The following TNS1 variants were observed in gnomAD, a reference collection of about 807,000 sequenced individuals.
TNS1 encodes tensin 1.
A neutral mutation model predicts 168.6 loss-of-function variants in TNS1; 62 were observed. The ratio of observed to expected loss-of-function variants is 0.37; its 90% CI spans 0.30 to 0.45. TNS1 has a LOEUF of 0.45. Among genes scored for constraint, TNS1 ranks in the 20% least tolerant of loss-of-function variants. TNS1 has a pLI of 1.00. For missense variants in TNS1, 2,240 were observed against 2,339.4 expected (o/e 0.96, Z 0.88); for synonymous variants, 934 against 933.2 (o/e 1.00, Z -0.02).
intron 1 of TNS1, among the ~76,000 whole-genome samples, chr2:217,996,167 C>G (rs555975201): frequency 2.0e-4 from 31 of 152,304 alleles, no homozygotes; most frequent in Middle Eastern, 3.4e-3. Flanking sequence ...TACAAAACTC[C>G]CTCAGCGCTG....
Position 217,803,950 on chromosome 2 carries a change from C to T in TNS1, c.*509G>A, listed in dbSNP as rs1335318067. ...GCCTTGGGTCTGAGATACTTTCAAG[C>T]AAACAAGTTCTTCCACTTGATGTCC... On this transcript the variant is annotated 3_prime_UTR_variant, in exon 33 of 33. Transcript: ENST00000682258. 1 of 154,976 alleles carries T rather than the reference C, an allele frequency of 6.5e-6. No individual in the cohort carries two copies. Among genetic ancestry groups the T allele is most frequent in the Non-Finnish European group, 1.4e-5 (1 of 69,550 alleles). The allele number at this position is 154,976 out of a possible 1,614,324, so 9.6% of individuals were successfully genotyped here.
At chr2:217,942,718 A>T (rs915097377) in intron 3 of TNS1, among the ~76,000 whole-genome samples, 8 of 152,024 alleles carry the variant, frequency 5.3e-5, no homozygotes, top group Non-Finnish European at 8.8e-5. Context: ...CTTGTCTCCA[A>T]AGACCCTGGC....
intron 3 of TNS1, among the ~76,000 whole-genome samples, chr2:217,966,792 T>C (rs1957653296): frequency 2.6e-5 from 4 of 152,072 alleles, no homozygotes; most frequent in Admixed American, 6.5e-5. Flanking sequence ...AGAGGCTGAG[T>C]GTGGAACACG....
rs1283379849 is a variant in TNS1 at position 217,920,074 on chromosome 2, C to T, written c.228+121G>A. 2.0e-5 allele frequency: 14 copies of T among 689,540 alleles called. 1 individual carries two copies. The highest frequency in any genetic ancestry group is 1.1e-4 in the South Asian group (7 of 65,500). 42.7% of individuals were successfully genotyped at this position (689,540 alleles called of 1,614,324 possible). On this transcript the variant is annotated intron_variant, in intron 4 of 32. Transcript: ENST00000682258. Reference sequence around the variant, plus strand: ...TCGGCCCAGGGAGGTCGACCCTCCTCCTCCACCTAATTGTCCGACACCCCA... The same window carrying T: ...TCGGCCCAGGGAGGTCGACCCTCCTTCTCCACCTAATTGTCCGACACCCCA...
At chr2:217,937,306 G>A (rs915114922) in intron 3 of TNS1, 15 of 311,510 alleles carry the variant, frequency 4.8e-5, no homozygotes, top group African/African-American at 2.4e-4. Context: ...CAGCGGCCCC[G>A]TGTGCCCAGC....
At chr2:217,891,509 C>T (rs952520520) in intron 11 of TNS1, among the ~76,000 whole-genome samples, 4 of 152,190 alleles carry the variant, frequency 2.6e-5, no homozygotes, top group African/African-American at 9.7e-5. Flanking sequence ...CTCATCTTTG[C>T]TTATCATTAA....
In TNS1 at chr2:217,872,870, AATAAAATACTG is replaced by A. The variant is rs1329505895; in HGVS notation, c.1429+8017_1429+8027del. Among the ~76,000 whole-genome samples, 3 of 152,260 alleles carry A rather than the reference AATAAAATACTG, an allele frequency of 2.0e-5. No individual in the cohort carries two copies. In the East Asian group the frequency reaches 5.8e-4, roughly 29 times the overall value. On this transcript the variant is annotated intron_variant, in intron 18 of 32. Coordinates refer to ENST00000682258, the MANE Select transcript of TNS1 (RefSeq NM_001387777.1). ...AGAATATCATTCAGCAACAAAAATGAATAAAATACTGATACATGTTACAACGTGAATGAAAC... is the reference window on the plus strand; with the variant it reads ...AGAATATCATTCAGCAACAAAAATGAATACATGTTACAACGTGAATGAAAC...
At chr2:217,954,538 G>A (rs1575134746) in intron 3 of TNS1, among the ~76,000 whole-genome samples, 2 of 152,322 alleles carry the variant, frequency 1.3e-5, no homozygotes, top group Admixed American at 1.3e-4. Flanking sequence ...ACCGAGCTTT[G>A]AAGAGGGTGT....
chr2:217,841,278 G>T, intron 19 of TNS1: 2 of 985,068 alleles, frequency 2.0e-6, no homozygotes, highest in South Asian at 9.4e-5. Context: ...GCAGCCTGGC[G>T]TTGTACGCTG....
intron 23 of TNS1, among the ~76,000 whole-genome samples, chr2:217,821,212 T>C (rs565456801): frequency 6.6e-6 from 1 of 152,230 alleles, no homozygotes; most frequent in East Asian, 1.9e-4. Flanking sequence ...GGGCAGAGGA[T>C]AGAGATGCGG....
intron 14 of TNS1, 28 bp downstream of exon 14, chr2:217,886,016 T>C: frequency 6.2e-7 from 1 of 1,613,360 alleles, no homozygotes; most frequent in South Asian, 1.1e-5. Flanking sequence ...TGGGCTTCTC[T>C]GGCCTCTCAC....
intron 1 of TNS1, among the ~76,000 whole-genome samples, chr2:217,993,253 A>T (rs771954884): frequency 2.6e-5 from 4 of 152,226 alleles, no homozygotes; most frequent in Non-Finnish European, 5.9e-5. Flanking sequence ...GTGACTCATG[A>T]CTGTAACTGA....
chr2:217,854,603 C>G (rs1385899174), intron 18 of TNS1, among the ~76,000 whole-genome samples: 1 of 152,186 alleles, frequency 6.6e-6, no homozygotes, highest in African/African-American at 2.4e-5. Context: ...GGGCAAAACT[C>G]CTTAAAAGGA....
upstream of TNS1, among the ~76,000 whole-genome samples, chr2:218,014,850 T>G (rs1043943260): frequency 6.9e-6 from 1 of 143,910 alleles, no homozygotes. Flanking sequence ...AGTTAAAGGA[T>G]TGCAGGAGGG....
rs190085581 is a variant in TNS1, at chr2:217,809,799, G to A, written c.5273+24C>T. ...GAGTCACAGGAAGGAGAACCCCACC[G>A]AGGAGCAGGCAGGGGAGTCTTACTT... On this transcript the variant is annotated intron_variant, in intron 30 of 32. Transcript: ENST00000682258. The A allele has an allele frequency of 2.9e-4, 468 of 1,604,210 alleles. 1 individual carries two copies. The highest frequency in any genetic ancestry group is 2.3e-3 in the Middle Eastern group (14 of 6,036).
In TNS1 at chr2:217,951,171, G is replaced by A. The variant is rs900982404; in HGVS notation, c.186+27594C>T. ...AGATCCCAGGCTTTGGAAGTGCACC[G>A]ACCACATCTGAAGCTGTGTAACCTC... On this transcript the variant is annotated intron_variant, in intron 3 of 32. Coordinates refer to ENST00000682258, the MANE Select transcript of TNS1 (RefSeq NM_001387777.1). Among the ~76,000 whole-genome samples the A allele has an allele frequency of 6.6e-5, 10 of 152,260 alleles. No individual in the cohort carries two copies. The East Asian group carries it at 9.7e-4, about 15-fold the overall frequency.
In TNS1 at chr2:217,817,819, G is replaced by A. The variant is rs751369200; in HGVS notation, c.4513C>T (p.Leu1505Phe). The A allele has an allele frequency of 1.9e-6, 3 of 1,614,116 alleles. No homozygotes were observed. The Admixed American group carries it at 5.0e-5, about 27-fold the overall frequency. ...RMSVGDRAGS[L>F]PNYATINGKV... ...CCATTGATGGTGGCATAGTTGGGGA[G>A]GCTGCCTGCCCGGTCTCCCACTGAC... The change falls in exon 24 of 33, where the codon CTC (leucine) becomes TTC (phenylalanine). Residue 1505 changes from leucine to phenylalanine, a missense_variant. Transcript: ENST00000682258.
chr2:217,867,542 C>T (rs942932526), intron 18 of TNS1, among the ~76,000 whole-genome samples: 1 of 152,224 alleles, frequency 6.6e-6, no homozygotes, highest in African/African-American at 2.4e-5. Context: ...TCTTTACCTG[C>T]CATTACAGAA....
At chr2:217,877,852 G>T (rs1222880804) in intron 18 of TNS1, among the ~76,000 whole-genome samples, 1 of 152,150 alleles carries the variant, frequency 6.6e-6, no homozygotes, top group African/African-American at 2.4e-5. Flanking sequence ...GAGGATGCAG[G>T]CCAGAGATGA....
Sources: allele counts gnomAD v4.1 joint callset (sites outside exome capture counted in the v4.1 genomes callset), GRCh38; gene constraint gnomAD v4.1.1; transcripts MANE v1.5; gene names NCBI Gene and HGNC (gene_info 2026-07-23, HGNC 2026-07-21).